Variants in ATXN7L1 observed in about 807,000 individuals in gnomAD.
ATXN7L1 encodes ataxin 7 like 1.
In ATXN7L1, 15 loss-of-function variants were observed where a neutral mutation model predicts 70.8. The observed-to-expected ratio is 0.21, with a 90% CI of 0.14 to 0.33. The LOEUF is 0.33. ATXN7L1 is among the 10% of genes least tolerant of loss of function. The probability of loss-of-function intolerance (pLI) is 1.00; values close to 1 mark genes in which losing one functional copy is unlikely to be tolerated. For synonymous variants in ATXN7L1, 440 were observed against 445.1 expected (o/e 0.99, Z 0.14); for missense variants, 975 against 1,097.1 (o/e 0.89, Z 1.57).
At chr7:105,644,802 C>T (rs1462127726) in intron 4 of ATXN7L1, among the ~76,000 whole-genome samples, 1 of 152,174 alleles carries the variant, frequency 6.6e-6, no homozygotes, top group Non-Finnish European at 1.5e-5. Flanking sequence ...AAATCAGGGT[C>T]CTGAAGAGAG....
intron 3 of ATXN7L1, among the ~76,000 whole-genome samples, chr7:105,765,975 T>A (rs1801197122): frequency 6.6e-6 from 1 of 152,000 alleles, no homozygotes; most frequent in Admixed American, 6.6e-5. Context: ...GATGTCTAGT[T>A]AATCTGGCAG....
In ATXN7L1 at chr7:105,615,536, T is replaced by A. The variant is rs1475537167; in HGVS notation, c.1518-720A>T. 2.6e-5 allele frequency among the ~76,000 whole-genome samples: 4 copies of A among 152,276 alleles called. No homozygotes were observed. The East Asian group carries it at 5.8e-4, about 22-fold the overall frequency. On this transcript the variant is annotated intron_variant, in intron 9 of 11. Transcript: ENST00000419735. Reference sequence around the variant, plus strand: ...GAATGGTGAGATGGCAAGTTGCCCATTCCCAGGACTAGCTTTGTTTTTTCC... The same window carrying A: ...GAATGGTGAGATGGCAAGTTGCCCAATCCCAGGACTAGCTTTGTTTTTTCC...
chr7:105,642,823 G>T lies in ATXN7L1; in HGVS notation c.862+15C>A. 1.3e-6 allele frequency: 2 copies of T among 1,546,412 alleles called. No homozygotes were observed. Among genetic ancestry groups the T allele is most frequent in the South Asian group, 1.2e-5 (1 of 83,166 alleles). On this transcript the variant is annotated intron_variant, in intron 5 of 11. Coordinates refer to ENST00000419735, the MANE Select transcript of ATXN7L1 (RefSeq NM_020725.2). ...GTCTAATCATGAGTCAGACCCTGAC[G>T]ACACTGACACATACCTGAAAGTCTC...
At chr7:105,691,109 T>C (rs1161867646) in intron 3 of ATXN7L1, among the ~76,000 whole-genome samples, 1 of 152,162 alleles carries the variant, frequency 6.6e-6, no homozygotes, top group Non-Finnish European at 1.5e-5. Context: ...TGACTCTGAG[T>C]CCTGCAGACC....
chr7:105,625,672 CCAACA>C (rs1476623926), intron 7 of ATXN7L1, among the ~76,000 whole-genome samples: 1 of 152,122 alleles, frequency 6.6e-6, no homozygotes, highest in Non-Finnish European at 1.5e-5. Flanking sequence ...ATAAAACAAC[CCAACA>C]CATGTCATCT....
chr7:105,727,746 G>GTATATATATATATATATA lies in ATXN7L1; in HGVS notation c.355+60840_355+60857dup, dbSNP rs1232202676. Among the ~76,000 whole-genome samples, 28 of 55,328 alleles carry GTATATATATATATATATA rather than the reference G, an allele frequency of 5.1e-4. 1 individual carries two copies. Among genetic ancestry groups the GTATATATATATATATATA allele is most frequent in the African/African-American group, 2.4e-3 (25 of 10,220 alleles). The allele number at this position is 55,328 out of a possible 152,430, so 36.3% of individuals were successfully genotyped here. ...CATAGGGGTGTGTGTGTGTATGTGT[G>GTATATATATATATATATA]TATATATATATATATATATATATAT... On this transcript the variant is annotated intron_variant, in intron 3 of 11. Coordinates refer to ENST00000419735, the MANE Select transcript of ATXN7L1 (RefSeq NM_020725.2).
intron 4 of ATXN7L1, among the ~76,000 whole-genome samples, chr7:105,648,103 G>C (rs1799322697): frequency 6.6e-6 from 1 of 152,228 alleles, no homozygotes; most frequent in East Asian, 1.9e-4. Context: ...GAGTTGGTAA[G>C]GGGCTGGGCC....
At chr7:105,851,896 A>G (rs1279254807) in intron 2 of ATXN7L1, among the ~76,000 whole-genome samples, 2 of 152,132 alleles carry the variant, frequency 1.3e-5, no homozygotes, top group African/African-American at 4.8e-5. Flanking sequence ...TCCCTCTTGC[A>G]CCCTCTATTC....
intron 3 of ATXN7L1, chr7:105,760,382 A>T (rs1800388811): frequency 1.0e-6 from 1 of 952,696 alleles, no homozygotes; most frequent in Admixed American, 6.2e-5. Context: ...CTCTGAGAGG[A>T]TCTGCAATTT....
chr7:105,717,618 G>T (rs1794723374), intron 3 of ATXN7L1, among the ~76,000 whole-genome samples: 1 of 152,110 alleles, frequency 6.6e-6, no homozygotes, highest in Non-Finnish European at 1.5e-5. Context: ...CCAGGTCCTT[G>T]ATACATCTAG....
intron 3 of ATXN7L1, among the ~76,000 whole-genome samples, chr7:105,682,875 C>T (rs1196003022): frequency 6.6e-6 from 1 of 152,090 alleles, no homozygotes; most frequent in African/African-American, 2.4e-5. Flanking sequence ...GTGGTGGTTG[C>T]ACAACATTGC....
At chr7:105,709,076 G>T (rs766621947) in intron 3 of ATXN7L1, among the ~76,000 whole-genome samples, 6 of 124,730 alleles carry the variant, frequency 4.8e-5, no homozygotes, top group Non-Finnish European at 9.5e-5. Context: ...GCTCATACCT[G>T]TAATCCCAGC....
chr7:105,661,098 T>A (rs2116040523), intron 4 of ATXN7L1, among the ~76,000 whole-genome samples: 1 of 152,288 alleles, frequency 6.6e-6, no homozygotes, highest in Admixed American at 6.5e-5. Flanking sequence ...GATGCCTGGC[T>A]AAGGAAATAA....
intron 3 of ATXN7L1, among the ~76,000 whole-genome samples, chr7:105,724,020 C>T (rs1185712020): frequency 6.6e-6 from 1 of 152,190 alleles, no homozygotes; most frequent in East Asian, 1.9e-4. Context: ...TTTAAAGTCT[C>T]CTTTTTCAAG....
chr7:105,813,513 T>C (rs910895907), intron 2 of ATXN7L1, among the ~76,000 whole-genome samples: 1 of 152,166 alleles, frequency 6.6e-6, no homozygotes, highest in Non-Finnish European at 1.5e-5. Flanking sequence ...AATTTTGTAT[T>C]TTTAGTAGAG....
chr7:105,774,382 C>G (rs1462349438), intron 3 of ATXN7L1, among the ~76,000 whole-genome samples: 1 of 143,668 alleles, frequency 7.0e-6, no homozygotes, highest in East Asian at 2.0e-4. Flanking sequence ...GACAGAGTCT[C>G]CCTCTGTCAC....
intron 3 of ATXN7L1, among the ~76,000 whole-genome samples, chr7:105,718,210 C>A (rs1022436200): frequency 2.0e-5 from 3 of 152,120 alleles, no homozygotes; most frequent in South Asian, 4.1e-4. Flanking sequence ...GCTAGATAGC[C>A]CCACACCTTC....
intron 2 of ATXN7L1, among the ~76,000 whole-genome samples, 175 bp from the exon 3 acceptor site, chr7:105,788,883 G>A (rs1307597664): frequency 6.6e-6 from 1 of 152,190 alleles, no homozygotes; most frequent in Non-Finnish European, 1.5e-5. Flanking sequence ...GCCTCTTAGA[G>A]AAGCAAGTGC....
intron 3 of ATXN7L1, among the ~76,000 whole-genome samples, chr7:105,666,673 TC>T (rs1319610898): frequency 6.6e-6 from 1 of 152,200 alleles, no homozygotes; most frequent in East Asian, 1.9e-4. Context: ...TTGCTGGGTT[TC>T]TTTGCTTGAC....
Sources: gnomAD v4.1 joint callset for allele counts (sites outside exome capture counted in the v4.1 genomes callset) on GRCh38, gnomAD v4.1.1 for gene constraint, MANE v1.5 for transcripts, NCBI Gene and HGNC (gene_info 2026-07-23, HGNC 2026-07-21) for gene names.